USP13: variants seen among roughly 807,000 people sequenced by gnomAD.
USP13 encodes the protein ubiquitin carboxyl-terminal hydrolase 13.
A neutral mutation model predicts 107.8 loss-of-function variants in USP13; 68 were observed. The ratio of observed to expected loss-of-function variants is 0.63; its 90% CI spans 0.52 to 0.77. The LOEUF (loss-of-function observed/expected upper bound fraction) is 0.77, where lower values mean the gene tolerates loss of function less well. Among genes scored for constraint, USP13 ranks in the 30% least tolerant of loss-of-function variants. USP13 has a pLI of 0.00. For synonymous variants in USP13, 377 were observed against 389.5 expected (o/e 0.97, Z 0.38); for missense variants, 945 against 1,093.3 (o/e 0.86, Z 1.91).
In USP13 at chr3:179,750,326, G is replaced by GTGTGTATATATATATATATA. The variant is rs1553797370; in HGVS notation, c.1710-1958_1710-1957insGTGTATATATATATATATAT. ...TGTGTATATATATATATATATGTGT[G>GTGTGTATATATATATATATA]TATATATATATATATATATGTATAT... On this transcript the variant is annotated intron_variant, in intron 13 of 20. Coordinates refer to ENST00000263966, the MANE Select transcript of USP13 (RefSeq NM_003940.3). 4.8e-3 allele frequency among the ~76,000 whole-genome samples: 364 copies of GTGTGTATATATATATATATA among 75,774 alleles called. 5 individuals are homozygous for GTGTGTATATATATATATATA. The Middle Eastern group carries it at 0.081, about 17-fold the overall frequency. The allele number at this position is 75,774 out of a possible 152,430, so 49.7% of individuals were successfully genotyped here.
At chr3:179,770,645 G>A (rs575310673) in intron 19 of USP13, among the ~76,000 whole-genome samples, 2 of 150,504 alleles carry the variant, frequency 1.3e-5, no homozygotes, top group African/African-American at 2.5e-5. Flanking sequence ...TCGCTCTGTC[G>A]CCAGGCTGGA....
At chr3:179,686,981 A>G (rs567083379) in intron 2 of USP13, among the ~76,000 whole-genome samples, 24 of 152,248 alleles carry the variant, frequency 1.6e-4, no homozygotes, top group African/African-American at 5.8e-4. Flanking sequence ...CTAGGATGCC[A>G]TTTGGCCATC....
chr3:179,703,161 A>T (rs1476527301), intron 4 of USP13, among the ~76,000 whole-genome samples: 4 of 152,190 alleles, frequency 2.6e-5, no homozygotes, highest in African/African-American at 9.6e-5. Context: ...AAAAAAGAAG[A>T]GAGAATTATT....
chr3:179,763,950 CAAAAA>C (rs556912091), intron 17 of USP13, 47 bp from the exon 18 acceptor site: 2,918 of 1,218,944 alleles, frequency 2.4e-3, no homozygotes, highest in Middle Eastern at 3.9e-3. Flanking sequence ...TGTTTCAGGA[CAAAAA>C]AAAAAAAAAA....
chr3:179,776,998 G>A (rs1411311959), intron 19 of USP13, among the ~76,000 whole-genome samples: 1 of 150,902 alleles, frequency 6.6e-6, no homozygotes, highest in African/African-American at 2.4e-5. Flanking sequence ...TACCTGTTTA[G>A]TTTTTGAAAA....
intron 3 of USP13, among the ~76,000 whole-genome samples, chr3:179,697,193 A>C (rs1712356847): frequency 6.6e-6 from 1 of 152,348 alleles, no homozygotes; most frequent in South Asian, 2.1e-4. Context: ...AAATTTGTGC[A>C]AAGTTTCGCT....
intron 5 of USP13, among the ~76,000 whole-genome samples, chr3:179,708,285 G>C (rs1366550259): frequency 6.7e-6 from 1 of 150,052 alleles, no homozygotes; most frequent in Non-Finnish European, 1.5e-5. Flanking sequence ...GAGTGATCCT[G>C]CTGCTCTGGG....
chr3:179,764,180 A>C lies in USP13; in HGVS notation c.2259+12A>C, dbSNP rs922528194. 3 of 1,555,686 alleles carry C rather than the reference A, an allele frequency of 1.9e-6. No individual in the cohort carries two copies. Among genetic ancestry groups the C allele is most frequent in the Non-Finnish European group, 2.6e-6 (3 of 1,157,958 alleles). ...CACTACGAGCAACGGTGAGCATGAGAGACTGTGTGTGTGTGTGTGTGTGTG... is the reference window on the plus strand; with the variant it reads ...CACTACGAGCAACGGTGAGCATGAGCGACTGTGTGTGTGTGTGTGTGTGTG... On this transcript the variant is annotated intron_variant, in intron 18 of 20. Coordinates refer to ENST00000263966, the MANE Select transcript of USP13 (RefSeq NM_003940.3).
At chr3:179,754,324 A>T (rs1013114107) in intron 14 of USP13, among the ~76,000 whole-genome samples, 2 of 152,232 alleles carry the variant, frequency 1.3e-5, no homozygotes, top group Non-Finnish European at 2.9e-5. Context: ...GATGGTTGTT[A>T]CCATATGAGA....
intron 1 of USP13, among the ~76,000 whole-genome samples, chr3:179,654,339 T>C: frequency 6.6e-6 from 1 of 152,000 alleles, no homozygotes; most frequent in African/African-American, 2.4e-5. Context: ...TCTAAATGAG[T>C]CACTTGGACT....
intron 3 of USP13, among the ~76,000 whole-genome samples, chr3:179,698,499 T>A (rs1712395036): frequency 6.6e-6 from 1 of 151,948 alleles, no homozygotes; most frequent in Non-Finnish European, 1.5e-5. Flanking sequence ...GTGGGGTTTT[T>A]TTTTTTCTTG....
chr3:179,716,389 A>G lies in USP13; in HGVS notation c.806-3551A>G, dbSNP rs531067226. Reference sequence around the variant, plus strand: ...ACTAAACCATGAGACCCTTCACACCAAACCAGCATTTCTTCTAAGACTATT... The same window carrying G: ...ACTAAACCATGAGACCCTTCACACCGAACCAGCATTTCTTCTAAGACTATT... On this transcript the variant is annotated intron_variant, in intron 6 of 20. Transcript: ENST00000263966. Among the ~76,000 whole-genome samples the G allele has an allele frequency of 9.2e-5, 14 of 152,340 alleles. No homozygotes were observed. In the South Asian group the frequency reaches 2.9e-3, roughly 32 times the overall value.
chr3:179,733,751 A>G (rs1713889584), intron 10 of USP13, among the ~76,000 whole-genome samples: 1 of 152,212 alleles, frequency 6.6e-6, no homozygotes, highest in Admixed American at 6.5e-5. Context: ...CGGGGCCACC[A>G]CCACGCATGG....
Position 179,742,297 on chromosome 3 carries a change from G to C in USP13, c.1481G>C (p.Arg494Thr), listed in dbSNP as rs1714232090. The C allele has an allele frequency of 1.2e-6, 2 of 1,614,140 alleles. No individual in the cohort carries two copies. The highest frequency in any genetic ancestry group is 1.7e-6 in the Non-Finnish European group (2 of 1,180,048). The stretch of plus-strand genomic sequence containing the variant: ...ACCCGGAAAGTCCGCTACACGGAGA[G>C]GGTGGATTACCTGATGCAGTTACCT... ...CQTRKVRYTERVDYLMQLPVA... is the reference protein window; with the variant it reads ...CQTRKVRYTETVDYLMQLPVA... Residue 494 changes from arginine to threonine, a missense_variant, in exon 12 of 21, where the codon AGG (arginine) becomes ACG (threonine). Transcript: ENST00000263966. This position sits in a 1 kb window ranked among gnomAD's most constrained non-coding sequence, Gnocchi z 5.0.
intron 2 of USP13, among the ~76,000 whole-genome samples, chr3:179,682,252 A>AAAC (rs1711686955): frequency 6.6e-6 from 1 of 150,868 alleles, no homozygotes; most frequent in African/African-American, 2.4e-5. Flanking sequence ...AATTGGAAAA[A>AAAC]AAAAACCGAA....
In USP13 at chr3:179,750,597, A is replaced by G. The variant is rs146840912; in HGVS notation, c.1710-1688A>G. 6.9e-3 allele frequency among the ~76,000 whole-genome samples: 1,048 copies of G among 152,172 alleles called. 24 individuals carry two copies. The highest frequency in any genetic ancestry group is 0.052 in the Admixed American group (802 of 15,280). ...GTAATGGAGAATTTGAGATACAGGG[A>G]ATTTAAATAACTTGCCTGGAGGTAA... On this transcript the variant is annotated intron_variant, in intron 13 of 20. Coordinates refer to ENST00000263966, the MANE Select transcript of USP13 (RefSeq NM_003940.3).
chr3:179,767,715 C>T (rs1715222865), intron 19 of USP13, among the ~76,000 whole-genome samples: 1 of 152,156 alleles, frequency 6.6e-6, no homozygotes, highest in Admixed American at 6.5e-5. Context: ...TTATAAAACT[C>T]ATGGTGTCTA....
Position 179,707,010 on chromosome 3 carries a change from A to G in USP13, c.554A>G (p.Glu185Gly). 1 of 1,614,212 alleles carries G rather than the reference A, an allele frequency of 6.2e-7. No homozygotes were observed. Among genetic ancestry groups the G allele is most frequent in the Non-Finnish European group, 8.5e-7 (1 of 1,180,028 alleles). Residue 185 changes from glutamate (E) to glycine (G), a missense_variant, in exon 5 of 21, where the codon GAA (glutamate) becomes GGA (glycine). Physicochemically the swap from Glu to Gly is moderately conservative, Grantham distance 98. Transcript: ENST00000263966. ...CAGGACCCAGACACGTGGGAAAATG[A>G]ATTGCCAGTATCTAAATATGCCAAC... ...RKQDPDTWEN[E>G]LPVSKYANNL...
rs1712071117 is a variant in USP13 at position 179,690,317 on chromosome 3, T to C, written c.355+16T>C. The C allele has an allele frequency of 1.2e-6, 2 of 1,611,824 alleles. No homozygotes were observed. The highest frequency in any genetic ancestry group is 2.2e-5 in the South Asian group (2 of 90,896). On this transcript the variant is annotated intron_variant, in intron 3 of 20. Coordinates refer to ENST00000263966, the MANE Select transcript of USP13 (RefSeq NM_003940.3). ...ATTTTTTTAGGTAAATAGTTATCAG[T>C]AGCATGCTCAGATTTTGTGTTTGTG...
Sources: allele counts gnomAD v4.1 joint callset (sites outside exome capture counted in the v4.1 genomes callset), GRCh38; gene constraint gnomAD v4.1.1; non-coding constraint Gnocchi (gnomAD v3.1); transcripts MANE v1.5; gene names NCBI Gene and HGNC (gene_info 2026-07-23, HGNC 2026-07-21).